The following MYL7 variants were observed in gnomAD, a reference collection of about 807,000 sequenced individuals.
The protein encoded by MYL7 is myosin light chain 7.
Under a neutral mutation model 22.5 loss-of-function variants are expected in MYL7, and 27 were observed. The observed-to-expected ratio is 1.20, with a 90% CI of 0.89 to 1.66. MYL7 has a LOEUF of 1.66. Among genes scored for constraint, MYL7 ranks in the 40% most tolerant of loss-of-function variants. The pLI is 0.00. For synonymous variants in MYL7, 81 were observed against 84.4 expected, an observed-to-expected ratio of 0.96 and a Z score of 0.22; for missense variants, 209 against 226.8, an observed-to-expected ratio of 0.92 and a Z score of 0.50.
chr7:44,139,871 G>A lies in MYL7; in HGVS notation c.299-11C>T, dbSNP rs1027581261. On this transcript the variant is annotated splice_polypyrimidine_tract_variant and intron_variant, in intron 4 of 6. Transcript: ENST00000223364. ...CCTCGGGGTCTGTCCCTGGAAGGCC[G>A]AGGCAGCCAGGTGAGCATCCATGTC... 1.3e-5 allele frequency: 20 copies of A among 1,595,158 alleles called. No homozygotes were observed. The highest frequency in any genetic ancestry group is 6.7e-5 in the East Asian group (3 of 44,546).
In MYL7 at chr7:44,139,573, G is replaced by C. The variant is rs370593993; in HGVS notation, c.378-4C>G. 3.9e-5 allele frequency: 63 copies of C among 1,605,554 alleles called. No individual in the cohort carries two copies. The highest frequency in any genetic ancestry group is 5.1e-5 in the Non-Finnish European group (60 of 1,175,644). ...GGTCAGGAGAAGCTGCTTGAACCTGGGGGGTGAGGAGGGTCTGAGCAGGAG... is the reference window on the plus strand; with the variant it reads ...GGTCAGGAGAAGCTGCTTGAACCTGCGGGGTGAGGAGGGTCTGAGCAGGAG... On this transcript the variant is annotated splice_region_variant and splice_polypyrimidine_tract_variant and intron_variant, in intron 5 of 6. Coordinates refer to ENST00000223364, the MANE Select transcript of MYL7 (RefSeq NM_021223.3).
rs975876799 is a variant in MYL7, at chr7:44,139,947, C to T, written c.299-87G>A. The T allele has an allele frequency of 1.4e-5, 17 of 1,188,454 alleles. No homozygotes were observed. In the Admixed American group the frequency reaches 2.9e-4, roughly 20 times the overall value. 73.6% of individuals were successfully genotyped at this position (1,188,454 alleles called of 1,614,324 possible). A position where few individuals can be genotyped will look rare whatever the true frequency, so the allele number is the denominator to read the frequency against. Reference sequence around the variant, plus strand: ...AGGAACTGGGCTGCATGAGGAGCCTCCCACATCCCAGAAGAGGTGGGGGTA... The same window carrying T: ...AGGAACTGGGCTGCATGAGGAGCCTTCCACATCCCAGAAGAGGTGGGGGTA... On this transcript the variant is annotated intron_variant, in intron 4 of 6. Coordinates refer to ENST00000223364, the MANE Select transcript of MYL7 (RefSeq NM_021223.3).
At position 44,141,150 on chromosome 7, in the gene MYL7, C is replaced by T. The variant is rs943492405; in HGVS notation, c.4-76G>A. 2.6e-6 allele frequency: 4 copies of T among 1,566,254 alleles called. No homozygotes were observed. The African/African-American group carries it at 4.1e-5, about 16-fold the overall frequency. On this transcript the variant is annotated intron_variant, in intron 1 of 6. Coordinates refer to ENST00000223364, the MANE Select transcript of MYL7 (RefSeq NM_021223.3). ...CCCCACCCCACCCATCATGCACAGT[C>T]CCAGAGCATTCCCAGGAGAGCCAGG... is the stretch of plus-strand genomic sequence containing the variant.
At chr7:44,140,263 T>A in intron 4 of MYL7, 60 bp downstream of exon 4, 1 of 1,434,956 alleles carries the variant, frequency 7.0e-7, no homozygotes, top group African/African-American at 1.4e-5. Flanking sequence ...TCAGGTGGGG[T>A]TCAGGCAGGG....
Position 44,140,720 on chromosome 7 carries a change from G to A in MYL7, c.185C>T (p.Ser62Phe). The A allele has an allele frequency of 6.2e-7, 1 of 1,608,510 alleles. No individual in the cohort carries two copies. Among genetic ancestry groups the A allele is most frequent in the Non-Finnish European group, 8.5e-7 (1 of 1,177,228 alleles). The change falls in exon 3 of 7, where the codon TCC becomes TTC. Residue 62 changes from serine to phenylalanine, a missense_variant. Transcript: ENST00000223364. ...ICKADLRETY[S>F]QLGKVSVPEE... ...GAGGTGGGTGCACGCACCCAGCTGGGAGTAGGTCTCCCTCAGGTCTGCCTT... is the reference window on the plus strand; with the variant it reads ...GAGGTGGGTGCACGCACCCAGCTGGAAGTAGGTCTCCCTCAGGTCTGCCTT...
At position 44,139,571 on chromosome 7, in the gene MYL7, T is replaced by G; in HGVS notation, c.378-2A>C. On this transcript the variant is annotated splice_acceptor_variant, in intron 5 of 6. Coordinates refer to ENST00000223364, the MANE Select transcript of MYL7 (RefSeq NM_021223.3). LOFTEE classifies it high-confidence loss of function. ...TGGGTCAGGAGAAGCTGCTTGAACC[T>G]GGGGGGTGAGGAGGGTCTGAGCAGG... is the stretch of plus-strand genomic sequence containing the variant. The G allele has an allele frequency of 6.2e-7, 1 of 1,605,478 alleles. No individual in the cohort carries two copies. Among genetic ancestry groups the G allele is most frequent in the Non-Finnish European group, 8.5e-7 (1 of 1,175,568 alleles).
In MYL7 at chr7:44,140,329, GCTT is replaced by G; in HGVS notation, c.289_291del (p.Lys97del). 1 of 1,613,806 alleles carries G rather than the reference GCTT, an allele frequency of 6.2e-7. No homozygotes were observed. Among genetic ancestry groups the G allele is most frequent in the Non-Finnish European group, 8.5e-7 (1 of 1,179,826 alleles). ...AGCTCTGTCCCAGGCTCACCATTGA[GCTT>G]CTCCCCAAAGAGCGTGAGGAAGACG... On this transcript the variant is annotated inframe_deletion, in exon 4 of 7. Coordinates refer to ENST00000223364, the MANE Select transcript of MYL7 (RefSeq NM_021223.3).
At chr7:44,139,403 A>G (rs762062325) in intron 6 of MYL7, 118 bp downstream of exon 6, 1 of 1,145,414 alleles carries the variant, frequency 8.7e-7, no homozygotes, top group Non-Finnish European at 1.3e-6. Context: ...CACCTCCTCC[A>G]GAAGGGCCCT....
intron 1 of MYL7, 23 bp downstream of exon 1, chr7:44,141,279 CT>C: frequency 2.5e-6 from 4 of 1,614,124 alleles, no homozygotes; most frequent in Non-Finnish European, 3.4e-6. Flanking sequence ...GACCGCTAGC[CT>C]TTCTTCCCCA....
chr7:44,139,982 A>C, intron 4 of MYL7, 122 bp from the exon 5 acceptor site: 1 of 880,028 alleles, frequency 1.1e-6, no homozygotes, highest in Non-Finnish European at 1.7e-6. Flanking sequence ...ATTCCCTAAC[A>C]TAAAATGTTT....
chr7:44,139,909 G>A, intron 4 of MYL7, 49 bp from the exon 5 acceptor site: 1 of 1,542,794 alleles, frequency 6.5e-7, no homozygotes, highest in Non-Finnish European at 8.7e-7. Context: ...CAGCATCCCA[G>A]GTCCCCCGCA....
intron 4 of MYL7, 96 bp downstream of exon 4, chr7:44,140,227 A>G: frequency 2.0e-6 from 2 of 1,010,610 alleles, no homozygotes; most frequent in African/African-American, 1.6e-5. Flanking sequence ...GGTTCATGTA[A>G]GGTTCAGGTG....
Position 44,140,423 on chromosome 7 carries a change from C to CT in MYL7, c.197dup (p.Val67GlyfsTer49), listed in dbSNP as rs2096263932. ...CCAGCTCCTCCTCTGGGACACTCACCTTCCCTGGTGGGGGTGGGGCATGAG... is the reference window on the plus strand; with the variant it reads ...CCAGCTCCTCCTCTGGGACACTCACCTTTCCCTGGTGGGGGTGGGGCATGAG... On this transcript the variant is annotated frameshift_variant, in exon 4 of 7. Coordinates refer to ENST00000223364, the MANE Select transcript of MYL7 (RefSeq NM_021223.3). LOFTEE classifies it high-confidence loss of function. The CT allele has an allele frequency of 6.2e-7, 1 of 1,613,200 alleles. No homozygotes were observed. The highest frequency in any genetic ancestry group is 1.3e-5 in the African/African-American group (1 of 74,890).
rs759719930 is a variant in MYL7, at chr7:44,140,772, C to T, written c.133G>A (p.Asp45Asn). The change falls in exon 3 of 7, where the codon GAC (aspartate) becomes AAC (asparagine). Residue 45 changes from aspartate (D) to asparagine (N), a missense_variant. Asp to Asn is a conservative substitution (Grantham distance 23). Transcript: ENST00000223364. ...CAGATGATGCCATCACGATTCTGGT[C>T]GATACAGCTGAAGGCCTGTGGGATG... is the stretch of plus-strand genomic sequence containing the variant. ...QEFKEAFSCI[D>N]QNRDGIICKA... The T allele has an allele frequency of 2.1e-5, 34 of 1,612,862 alleles. No homozygotes were observed. The highest frequency in any genetic ancestry group is 1.7e-4 in the South Asian group (15 of 90,898).
chr7:44,141,331 T>C lies in MYL7; in HGVS notation c.-26A>G. The stretch of plus-strand genomic sequence containing the variant: ...TCTCTCTGCAGAGGTGTGGCTGCTG[T>C]CGTGGTGGCAGGGCCCAGCCTCCTT... On this transcript the variant is annotated 5_prime_UTR_variant, in exon 1 of 7. Transcript: ENST00000223364. The C allele has an allele frequency of 6.2e-7, 1 of 1,610,200 alleles. No homozygotes were observed. Among genetic ancestry groups the C allele is most frequent in the Non-Finnish European group, 8.5e-7 (1 of 1,178,356 alleles).
At chr7:44,139,739 G>C (rs761306206) in intron 5 of MYL7, 43 bp downstream of exon 5, 111 of 1,607,838 alleles carry the variant, frequency 6.9e-5, no homozygotes, top group Non-Finnish European at 1.7e-6. Flanking sequence ...CCCGCTCTCT[G>C]CTTCCACCAC....
In MYL7 at chr7:44,140,412, G is replaced by A. The variant is rs1351047326; in HGVS notation, c.209C>T (p.Pro70Leu). Residue 70 changes from proline (P) to leucine (L), a missense_variant, in exon 4 of 7, where the codon CCA (proline) becomes CTA (leucine). By Grantham distance (98) the Pro-to-Leu change is moderately conservative (BLOSUM62 -3). Transcript: ENST00000223364. ...TYSQLGKVSV[P>L]EEELDAMLQE... ...CAGCATGGCGTCCAGCTCCTCCTCT[G>A]GGACACTCACCTTCCCTGGTGGGGG... 6.2e-7 allele frequency: 1 copy of A among 1,613,712 alleles called. No homozygotes were observed. The highest frequency in any genetic ancestry group is 8.5e-7 in the Non-Finnish European group (1 of 1,179,796).
rs769338791 is a variant in MYL7 at position 44,139,839 on chromosome 7, A to G, written c.320T>C (p.Ile107Thr). Reference protein sequence around the residue: ...KLNGTDPEEAILSAFRMFDPS... With the variant: ...KLNGTDPEEATLSAFRMFDPS... Reference sequence around the variant, plus strand: ...GTCAAACATGCGGAAGGCACTCAGGATGGCTTCCTCGGGGTCTGTCCCTGG... The same window carrying G: ...GTCAAACATGCGGAAGGCACTCAGGGTGGCTTCCTCGGGGTCTGTCCCTGG... The change falls in exon 5 of 7, where the codon ATC becomes ACC. Residue 107 changes from isoleucine to threonine, a missense_variant. Coordinates refer to ENST00000223364, the MANE Select transcript of MYL7 (RefSeq NM_021223.3). 3.7e-6 allele frequency: 6 copies of G among 1,610,286 alleles called. No homozygotes were observed. The highest frequency in any genetic ancestry group is 5.1e-6 in the Non-Finnish European group (6 of 1,179,148).
rs370593993 is a variant in MYL7 at position 44,139,573 on chromosome 7, G to A, written c.378-4C>T. On this transcript the variant is annotated splice_region_variant and splice_polypyrimidine_tract_variant and intron_variant, in intron 5 of 6. Coordinates refer to ENST00000223364, the MANE Select transcript of MYL7 (RefSeq NM_021223.3). ...GGTCAGGAGAAGCTGCTTGAACCTG[G>A]GGGGTGAGGAGGGTCTGAGCAGGAG... 5 of 1,605,554 alleles carry A rather than the reference G, an allele frequency of 3.1e-6. No individual in the cohort carries two copies. The highest frequency in any genetic ancestry group is 2.7e-5 in the African/African-American group (2 of 74,732).
Sources: gnomAD v4.1 joint callset for allele counts on GRCh38, gnomAD v4.1.1 for gene constraint, MANE v1.5 for transcripts, NCBI Gene and HGNC (gene_info 2026-07-23, HGNC 2026-07-21) for gene names.